ARHGAP15: variants seen among roughly 807,000 people sequenced by gnomAD.
ARHGAP15 encodes the protein Rho GTPase activating protein 15, also known as rho GTPase-activating protein 15.
In ARHGAP15, 51 loss-of-function variants were observed where a neutral mutation model predicts 63.7. The ratio of observed to expected loss-of-function variants is 0.80; its 90% CI spans 0.64 to 1.01. The LOEUF (loss-of-function observed/expected upper bound fraction) is 1.01, where lower values mean the gene tolerates loss of function less well. ARHGAP15 is among the 50% of genes least tolerant of loss of function. The pLI is 0.00. For synonymous variants in ARHGAP15, 191 were observed against 193.8 expected, an observed-to-expected ratio of 0.99 and a Z score of 0.12; for missense variants, 560 against 564.6, an observed-to-expected ratio of 0.99 and a Z score of 0.08.
chr2:143,332,049 C>T (rs1297465600), intron 6 of ARHGAP15, among the ~76,000 whole-genome samples: 1 of 152,078 alleles, frequency 6.6e-6, no homozygotes, highest in African/African-American at 2.4e-5. Context: ...AATAATAATG[C>T]AGATGTTTGA....
At chr2:143,344,762 G>A (rs1685198528) in intron 6 of ARHGAP15, among the ~76,000 whole-genome samples, 1 of 152,068 alleles carries the variant, frequency 6.6e-6, no homozygotes, top group Non-Finnish European at 1.5e-5. Context: ...AGAGAGGAGT[G>A]AAGACCAGCA....
chr2:143,549,279 A>T (rs1695460703), intron 10 of ARHGAP15, among the ~76,000 whole-genome samples: 1 of 152,186 alleles, frequency 6.6e-6, no homozygotes, highest in African/African-American at 2.4e-5. Context: ...TCCTCAAAAA[A>T]ATCCCAATGA....
intron 6 of ARHGAP15, among the ~76,000 whole-genome samples, chr2:143,322,439 A>C (rs1174693789): frequency 6.6e-6 from 1 of 152,238 alleles, no homozygotes; most frequent in African/African-American, 2.4e-5. Context: ...TAGCTTGTGA[A>C]ATGAATGGCA....
intron 7 of ARHGAP15, 147 bp downstream of exon 7, chr2:143,435,846 A>T (rs1689590844): frequency 1.2e-6 from 1 of 809,198 alleles, no homozygotes; most frequent in Non-Finnish European, 1.8e-6. Flanking sequence ...AGAATCTACT[A>T]AAAACCTTTT....
intron 12 of ARHGAP15, among the ~76,000 whole-genome samples, chr2:143,687,247 T>G (rs1172409279): frequency 1.3e-5 from 2 of 152,208 alleles, no homozygotes; most frequent in Non-Finnish European, 2.9e-5. Context: ...ACAAATATTT[T>G]GAAATGAACA....
chr2:143,415,465 A>T (rs1345667212), intron 6 of ARHGAP15, among the ~76,000 whole-genome samples: 1 of 152,220 alleles, frequency 6.6e-6, no homozygotes, highest in Non-Finnish European at 1.5e-5. Flanking sequence ...TAACTAAAAA[A>T]AATTTAAAGG....
At chr2:143,179,116 A>G (rs554889892) in intron 2 of ARHGAP15, among the ~76,000 whole-genome samples, 7 of 152,362 alleles carry the variant, frequency 4.6e-5, no homozygotes, top group African/African-American at 1.7e-4. Context: ...GAATCATTAG[A>G]GGGCTTTTTA....
intron 8 of ARHGAP15, among the ~76,000 whole-genome samples, chr2:143,447,016 C>G (rs1372503328): frequency 6.6e-6 from 1 of 152,040 alleles, no homozygotes; most frequent in Non-Finnish European, 1.5e-5. Flanking sequence ...TTTTCTTAAT[C>G]CAGTCTATCA....
chr2:143,438,190 A>T (rs1689698860), intron 8 of ARHGAP15, among the ~76,000 whole-genome samples: 1 of 152,070 alleles, frequency 6.6e-6, no homozygotes, highest in African/African-American at 2.4e-5. Context: ...TGACATCCTA[A>T]ACTTTAGAAT....
At chr2:143,510,804 G>A (rs1004317591) in intron 9 of ARHGAP15, among the ~76,000 whole-genome samples, 8 of 152,210 alleles carry the variant, frequency 5.3e-5, no homozygotes, top group Admixed American at 3.3e-4. Flanking sequence ...TTCCGCATGT[G>A]TGTGTCCTTC....
At chr2:143,225,160 T>C (rs1693156661) in intron 4 of ARHGAP15, among the ~76,000 whole-genome samples, 1 of 152,220 alleles carries the variant, frequency 6.6e-6, no homozygotes, top group African/African-American at 2.4e-5. Context: ...GGACACGGAA[T>C]GGTGCATTTT....
intron 9 of ARHGAP15, among the ~76,000 whole-genome samples, chr2:143,504,858 C>A (rs1041692278): frequency 6.6e-6 from 1 of 152,210 alleles, no homozygotes; most frequent in Non-Finnish European, 1.5e-5. Flanking sequence ...GCCTGCAAAA[C>A]CTTCCATGTG....
At chr2:143,599,841 T>C (rs1011579460) in intron 11 of ARHGAP15, among the ~76,000 whole-genome samples, 1 of 152,202 alleles carries the variant, frequency 6.6e-6, no homozygotes, top group Non-Finnish European at 1.5e-5. Context: ...TCTGCCTCCA[T>C]GAGTTTTAAA....
intron 11 of ARHGAP15, among the ~76,000 whole-genome samples, chr2:143,598,779 G>C (rs1219003571): frequency 6.6e-6 from 1 of 151,980 alleles, no homozygotes; most frequent in African/African-American, 2.4e-5. Flanking sequence ...AATTATCCAG[G>C]CATGGTGTAC....
chr2:143,491,466 AAGT>A (rs1361586263), intron 9 of ARHGAP15, among the ~76,000 whole-genome samples: 1 of 152,220 alleles, frequency 6.6e-6, no homozygotes, highest in Non-Finnish European at 1.5e-5. Flanking sequence ...AGTGTTTAGA[AAGT>A]AGTTTCATTC....
chr2:143,739,308 G>T (rs766265821), intron 13 of ARHGAP15, among the ~76,000 whole-genome samples: 1 of 152,062 alleles, frequency 6.6e-6, no homozygotes, highest in African/African-American at 2.4e-5. Context: ...CTAGATTCTG[G>T]TCCTCATGGG....
At chr2:143,162,349 G>A (rs1446445465) in intron 2 of ARHGAP15, 1 of 151,974 alleles carries the variant, frequency 6.6e-6, no homozygotes, top group Non-Finnish European at 1.5e-5. Flanking sequence ...TACCAGAAAA[G>A]TGAGAAGTGA....
intron 11 of ARHGAP15, among the ~76,000 whole-genome samples, chr2:143,589,669 A>T (rs978226000): frequency 2.0e-5 from 3 of 152,028 alleles, no homozygotes; most frequent in Non-Finnish European, 4.4e-5. Context: ...GTCTGCAGCT[A>T]CTCTCTTTTC....
intron 4 of ARHGAP15, among the ~76,000 whole-genome samples, chr2:143,219,911 A>G (rs2105152138): frequency 6.6e-6 from 1 of 152,334 alleles, no homozygotes; most frequent in Admixed American, 6.5e-5. Context: ...TTTATTCAAT[A>G]ATTTGAGGAA....
Sources: allele counts gnomAD v4.1 joint callset (sites outside exome capture counted in the v4.1 genomes callset), GRCh38; gene constraint gnomAD v4.1.1; transcripts MANE v1.5; gene names NCBI Gene and HGNC (gene_info 2026-07-23, HGNC 2026-07-21).